The following MTHFD1L variants were observed in gnomAD, a reference collection of about 807,000 sequenced individuals.
MTHFD1L encodes methylenetetrahydrofolate dehydrogenase (NADP+ dependent) 1 like.
Under a neutral mutation model 119.5 loss-of-function variants are expected in MTHFD1L, and 81 were observed. The ratio of observed to expected loss-of-function variants is 0.68; its 90% CI spans 0.57 to 0.82. The LOEUF (loss-of-function observed/expected upper bound fraction) is 0.82. MTHFD1L is among the 40% of genes least tolerant of loss of function. MTHFD1L has a pLI of 0.00. For missense variants in MTHFD1L, 1,125 were observed against 1,253.4 expected (o/e 0.90, Z 1.55); for synonymous variants, 430 against 475.2 (o/e 0.90, Z 1.24).
At chr6:150,994,738 G>A (rs1779590475) in intron 20 of MTHFD1L, among the ~76,000 whole-genome samples, 1 of 152,170 alleles carries the variant, frequency 6.6e-6, no homozygotes. Context: ...TCTTACAGTG[G>A]AAGATTATAT....
At chr6:151,018,598 A>G (rs73620639) in intron 24 of MTHFD1L, among the ~76,000 whole-genome samples, 9,954 of 152,274 alleles carry the variant, frequency 0.065, 1,083 homozygotes, top group African/African-American at 0.23. Context: ...GAGAAAGAAT[A>G]TCCAGATGGT....
chr6:150,924,586 C>T (rs1447358112), intron 10 of MTHFD1L, among the ~76,000 whole-genome samples: 1 of 152,180 alleles, frequency 6.6e-6, no homozygotes, highest in Non-Finnish European at 1.5e-5. Flanking sequence ...AAGTGATTGT[C>T]CTGCCTCGGC....
intron 8 of MTHFD1L, among the ~76,000 whole-genome samples, chr6:150,915,109 G>T (rs139457500): frequency 7.7e-4 from 117 of 152,244 alleles, no homozygotes; most frequent in African/African-American, 2.6e-3. Context: ...TTCTTACATG[G>T]CTCATTATGC....
At chr6:150,997,501 C>T (rs1215087772) in intron 20 of MTHFD1L, among the ~76,000 whole-genome samples, 1 of 152,092 alleles carries the variant, frequency 6.6e-6, no homozygotes, top group Non-Finnish European at 1.5e-5. Flanking sequence ...AGTATAAATA[C>T]ATTGAGGCTG....
intron 26 of MTHFD1L, among the ~76,000 whole-genome samples, chr6:151,083,779 C>CA (rs1387574232): frequency 9.9e-5 from 15 of 152,032 alleles, no homozygotes; most frequent in African/African-American, 3.1e-4. Flanking sequence ...CAGATAGGTA[C>CA]AAAAAATCTG....
intron 26 of MTHFD1L, among the ~76,000 whole-genome samples, chr6:151,050,460 C>G (rs1788845647): frequency 6.6e-6 from 1 of 152,214 alleles, no homozygotes; most frequent in African/African-American, 2.4e-5. Flanking sequence ...CCGTGCCTGG[C>G]CTGTAGTATC....
chr6:150,870,388 C>T lies in MTHFD1L; in HGVS notation c.227+4339C>T, dbSNP rs1035421639. On this transcript the variant is annotated intron_variant, in intron 1 of 27. Transcript: ENST00000367321. ...TACACATATAACAAGTTGTAGGGAGCATGAACCTATTTTGTTTTATTAGCT... is the reference window on the plus strand; with the variant it reads ...TACACATATAACAAGTTGTAGGGAGTATGAACCTATTTTGTTTTATTAGCT... 3.3e-5 allele frequency among the ~76,000 whole-genome samples: 5 copies of T among 152,256 alleles called. No individual in the cohort carries two copies. The East Asian group carries it at 9.6e-4, about 29-fold the overall frequency.
rs563278573 is a variant in MTHFD1L at position 150,962,151 on chromosome 6, G to A, written c.1944+1736G>A. 6.1e-4 allele frequency among the ~76,000 whole-genome samples: 92 copies of A among 151,940 alleles called. 1 individual carries two copies. Among genetic ancestry groups the A allele is most frequent in the Admixed American group, 2.0e-3 (31 of 15,254 alleles). ...ATTATGGGTGCCCACTGCCACACCC[G>A]GCTAATTTTTGTATTTTTAGTAGAG... On this transcript the variant is annotated intron_variant, in intron 18 of 27. Coordinates refer to ENST00000367321, the MANE Select transcript of MTHFD1L (RefSeq NM_015440.5).
At chr6:150,960,999 C>T (rs1416899355) in intron 18 of MTHFD1L, among the ~76,000 whole-genome samples, 2 of 151,996 alleles carry the variant, frequency 1.3e-5, no homozygotes, top group Non-Finnish European at 2.9e-5. Flanking sequence ...CCATGGAACA[C>T]CATTTCCTTT....
chr6:150,935,610 T>G (rs866684233), intron 11 of MTHFD1L: 2 of 1,353,512 alleles, frequency 1.5e-6, no homozygotes, highest in Middle Eastern at 3.8e-4. Flanking sequence ...TTTTCTCTGG[T>G]CTGATTTTGA....
At chr6:151,036,939 A>C (rs1786269354) in intron 25 of MTHFD1L, 26 bp from the exon 26 acceptor site, 1 of 1,611,612 alleles carries the variant, frequency 6.2e-7, no homozygotes, top group African/African-American at 1.3e-5. Flanking sequence ...TGTATCAGTG[A>C]ACACATTTTC....
chr6:150,959,079 AC>A, intron 17 of MTHFD1L: 1 of 595,972 alleles, frequency 1.7e-6, no homozygotes, highest in African/African-American at 2.0e-5. Flanking sequence ...TAAATTTCAT[AC>A]AATGAAAGAC....
Position 151,034,424 on chromosome 6 carries a change from C to G in MTHFD1L, c.2587-69C>G. ...TTTTAAGCAATTACAGAACATCTCA[C>G]TAAAGTTTTTAAAAAATCTTTAACC... is the stretch of plus-strand genomic sequence containing the variant. On this transcript the variant is annotated intron_variant, in intron 24 of 27. Coordinates refer to ENST00000367321, the MANE Select transcript of MTHFD1L (RefSeq NM_015440.5). The G allele has an allele frequency of 3.6e-6, 4 of 1,096,600 alleles. No individual in the cohort carries two copies. In the South Asian group the frequency reaches 3.9e-5, roughly 11 times the overall value. 67.9% of individuals were successfully genotyped at this position (1,096,600 alleles called of 1,614,324 possible).
At chr6:150,869,710 G>A (rs74615394) in intron 1 of MTHFD1L, among the ~76,000 whole-genome samples, 2,633 of 152,182 alleles carry the variant, frequency 0.017, 40 homozygotes, top group Non-Finnish European at 0.023. Context: ...CTCTAGCCCT[G>A]AATTGATTCT....
At chr6:150,959,825 T>G (rs549274336) in intron 17 of MTHFD1L, among the ~76,000 whole-genome samples, 6 of 152,332 alleles carry the variant, frequency 3.9e-5, no homozygotes, top group African/African-American at 1.4e-4. Flanking sequence ...GTATGCCTAC[T>G]GGGTCTCATG....
chr6:151,028,217 A>G (rs1784850512), intron 24 of MTHFD1L, among the ~76,000 whole-genome samples: 1 of 151,928 alleles, frequency 6.6e-6, no homozygotes, highest in South Asian at 2.1e-4. Flanking sequence ...AACCACAACT[A>G]CTCATCTCAC....
intron 24 of MTHFD1L, among the ~76,000 whole-genome samples, chr6:151,026,820 CTT>C (rs1158007442): frequency 4.1e-4 from 21 of 51,274 alleles, no homozygotes; most frequent in Non-Finnish European, 6.1e-4. Context: ...CCTTTCTATC[CTT>C]TTTTTTTTTT....
chr6:150,866,036 G>A lies in MTHFD1L; in HGVS notation c.214G>A (p.Asp72Asn). 1 of 1,453,046 alleles carries A rather than the reference G, an allele frequency of 6.9e-7. No homozygotes were observed. Among genetic ancestry groups the A allele is most frequent in the Non-Finnish European group, 9.0e-7 (1 of 1,109,978 alleles). The allele number at this position is 1,453,046 out of a possible 1,614,324, so 90.0% of individuals were successfully genotyped here. The change falls in exon 1 of 28, where the codon GAC (aspartate) becomes AAC (asparagine). Residue 72 changes from aspartate (D) to asparagine (N), a missense_variant. Around this residue, in one of 3 missense-constraint regions of MTHFD1L, gnomAD observed 1,058 missense variants for 1,151.2 expected, o/e 0.92. Coordinates refer to ENST00000367321, the MANE Select transcript of MTHFD1L (RefSeq NM_015440.5). ...CGGCGGCCGAACGCCCGCGGCGCGG[G>A]ACTCCATCGTCAGGTGAGTGTCGGG... ...SPGGRTPAARDSIVREVIQNS... is the reference protein window; with the variant it reads ...SPGGRTPAARNSIVREVIQNS...
intron 20 of MTHFD1L, among the ~76,000 whole-genome samples, chr6:150,985,511 A>C (rs540445221): frequency 6.6e-6 from 1 of 151,966 alleles, no homozygotes; most frequent in Non-Finnish European, 1.5e-5. Context: ...AAATACAAAA[A>C]TTAGCCGGGC....
Sources: gnomAD v4.1 joint callset for allele counts (sites outside exome capture counted in the v4.1 genomes callset) on GRCh38, gnomAD v4.1.1 for gene constraint, gnomAD v4.1.1 regional missense constraint, MANE v1.5 for transcripts, NCBI Gene and HGNC (gene_info 2026-07-23, HGNC 2026-07-21) for gene names.